STS: variants seen among roughly 807,000 people sequenced by gnomAD.
STS encodes steroid sulfatase.
Under a neutral mutation model 26.8 loss-of-function variants are expected in STS, and 7 were observed. The ratio of observed to expected loss-of-function variants is 0.26; its 90% CI spans 0.15 to 0.49. STS has a LOEUF of 0.49. Ranked by LOEUF, STS falls within the 20% of genes least tolerant of loss-of-function variation. The pLI, the probability that STS is intolerant of heterozygous loss-of-function variation, is 0.98. For synonymous variants in STS, 199 were observed against 189.4 expected, an observed-to-expected ratio of 1.05 and a Z score of -0.42; for missense variants, 434 against 465.6, an observed-to-expected ratio of 0.93 and a Z score of 0.63.
chrX:7,272,793 G>A (rs1346474401), intron 6 of STS, among the ~76,000 whole-genome samples: 3 of 111,437 alleles, frequency 2.7e-5, no homozygotes, highest in Non-Finnish European at 5.7e-5. Flanking sequence ...TGGGAGAAGA[G>A]AGCACATAAA....
In STS at chrX:7,352,812, A is replaced by G. The variant is rs1157687724; in HGVS notation, c.*2551A>G. On this transcript the variant is annotated 3_prime_UTR_variant, in exon 11 of 11. Transcript: ENST00000674429. Reference sequence around the variant, plus strand: ...ACGTATACATAGGCATCATTTCACAAGGTCAGTAATGCTGCAGGAAAAGCA... The same window carrying G: ...ACGTATACATAGGCATCATTTCACAGGGTCAGTAATGCTGCAGGAAAAGCA... 1 of 110,999 alleles carries G rather than the reference A, an allele frequency of 9.0e-6. No individual in the cohort carries two copies. The highest frequency in any genetic ancestry group is 2.8e-4 in the East Asian group (1 of 3,551). 9.1% of individuals were successfully genotyped at this position (110,999 alleles called of 1,213,427 possible).
chrX:7,314,778 G>T (rs1294581980), intron 8 of STS, among the ~76,000 whole-genome samples: 1 of 112,307 alleles, frequency 8.9e-6, no homozygotes, highest in African/African-American at 3.2e-5. Flanking sequence ...GTGGTCAAGC[G>T]TGCTCTGCAG....
chrX:7,286,366 T>A (rs1216709093), intron 7 of STS, among the ~76,000 whole-genome samples: 3 of 111,488 alleles, frequency 2.7e-5, no homozygotes, highest in Admixed American at 9.6e-5. Context: ...GAGCTCTGGA[T>A]CAGATGAAAT....
intron 10 of STS, among the ~76,000 whole-genome samples, chrX:7,340,070 A>G (rs1448264249): frequency 9.1e-6 from 1 of 109,629 alleles, no homozygotes; most frequent in African/African-American, 3.3e-5. Flanking sequence ...AAAAAAAAAA[A>G]AAGCGCCAAA....
At chrX:7,337,749 T>C (rs1928102242) in intron 10 of STS, among the ~76,000 whole-genome samples, 1 of 112,164 alleles carries the variant, frequency 8.9e-6, no homozygotes, top group Admixed American at 9.5e-5. Flanking sequence ...CCACGGCAAT[T>C]GGCAAACACA....
At chrX:7,278,240 C>A in intron 7 of STS, among the ~76,000 whole-genome samples, 1 of 112,202 alleles carries the variant, frequency 8.9e-6, no homozygotes, top group Non-Finnish European at 1.9e-5. Context: ...TATGAGTGTT[C>A]TAAAGAATAT....
intron 7 of STS, among the ~76,000 whole-genome samples, chrX:7,278,958 A>G (rs1924672641): frequency 9.0e-6 from 1 of 111,178 alleles, no homozygotes; most frequent in Non-Finnish European, 1.9e-5. Context: ...ATGAAGACCC[A>G]ACCTCCCAAT....
At chrX:7,210,048 A>T (rs767223337) in intron 2 of STS, among the ~76,000 whole-genome samples, 20 of 111,316 alleles carry the variant, frequency 1.8e-4, no homozygotes, top group Non-Finnish European at 3.6e-4. Context: ...GGTTGGTTCC[A>T]TGTCTTTGTT....
intron 1 of STS, among the ~76,000 whole-genome samples, chrX:7,185,726 T>G (rs1414624835): frequency 8.9e-6 from 1 of 112,571 alleles, no homozygotes; most frequent in African/African-American, 3.2e-5. Flanking sequence ...ATTTTATGCT[T>G]TTTCTGTTAG....
chrX:7,334,921 A>G (rs1327012174), intron 10 of STS, among the ~76,000 whole-genome samples: 1 of 112,241 alleles, frequency 8.9e-6, no homozygotes, highest in Non-Finnish European at 1.9e-5. Context: ...CAAATGGTTT[A>G]TAATCTTAGG....
Position 7,147,963 on chromosome X carries a change from G to C in STS, c.-254G>C. The C allele has an allele frequency of 1.4e-6, 1 of 693,323 alleles. No individual in the cohort carries two copies. The highest frequency in any genetic ancestry group is 2.5e-5 in the South Asian group (1 of 39,711). The allele number at this position is 693,323 out of a possible 1,213,427, so 57.1% of individuals were successfully genotyped here. ...CCCTGCATGAACACCGCCCCGCCGC[G>C]GCCCCCAGGCCGTGACGTACCCCGC... On this transcript the variant is annotated 5_prime_UTR_variant, in exon 1 of 11. Coordinates refer to ENST00000674429, the MANE Select transcript of STS (RefSeq NM_001320752.2).
intron 7 of STS, among the ~76,000 whole-genome samples, chrX:7,285,114 A>AG (rs1410211837): frequency 1.8e-5 from 2 of 111,179 alleles, no homozygotes; most frequent in African/African-American, 6.5e-5. Context: ...AGGAGGAAGC[A>AG]GGGGGACGTT....
chrX:7,313,031 A>G (rs1391138928), intron 8 of STS, among the ~76,000 whole-genome samples: 6 of 112,043 alleles, frequency 5.4e-5, no homozygotes, highest in African/African-American at 1.9e-4. Flanking sequence ...AGTTAAACTC[A>G]TATGTCTGGC....
rs746140947 is a variant in STS at position 7,220,612 on chromosome X, G to A, written c.-5+29604G>A. Among the ~76,000 whole-genome samples, 39 of 97,526 alleles carry A rather than the reference G, an allele frequency of 4.0e-4. 1 individual carries two copies. In the South Asian group the frequency reaches 0.02, roughly 49 times the overall value. 84.7% of individuals were successfully genotyped at this position (97,526 alleles called of 115,157 possible). A position where few individuals can be genotyped will look rare whatever the true frequency, so the allele number is the denominator to read the frequency against. On this transcript the variant is annotated intron_variant, in intron 2 of 10. Transcript: ENST00000674429. ...CTCCCAGGCTGCAGTGCAGTGGCGC[G>A]ATCTCGGCTCACTGCAAGCTCCACC... is the stretch of plus-strand genomic sequence containing the variant.
In STS at chrX:7,325,286, T is replaced by C. The variant is rs183488866; in HGVS notation, c.1082-53T>C. 1.6e-5 allele frequency: 19 copies of C among 1,167,878 alleles called. No individual in the cohort carries two copies. In the Admixed American group the frequency reaches 2.7e-4, roughly 17 times the overall value. On this transcript the variant is annotated intron_variant, in intron 8 of 10. Transcript: ENST00000674429. ...ACGAAAGAGTCCATTGAAGTGAGCA[T>C]TGAAAGGATTGAAATCTCCCTGTTG...
Position 7,253,294 on chromosome X carries a change from T to A in STS, c.95T>A (p.Leu32His). 8.3e-7 allele frequency: 1 copy of A among 1,211,653 alleles called. No homozygotes were observed. The highest frequency in any genetic ancestry group is 1.1e-6 in the Non-Finnish European group (1 of 895,429). ...ATCATCCTGGTGATGGCTGACGACCTCGGCATTGGAGATCCTGGGTGCTAT... is the reference window on the plus strand; with the variant it reads ...ATCATCCTGGTGATGGCTGACGACCACGGCATTGGAGATCCTGGGTGCTAT... ...PNIILVMADDLGIGDPGCYGN... is the reference protein window; with the variant it reads ...PNIILVMADDHGIGDPGCYGN... Residue 32 changes from leucine to histidine, a missense_variant, in exon 3 of 11, where the codon CTC becomes CAC. Leu to His is a moderately conservative substitution (Grantham distance 99). Around this residue, in one of 2 missense-constraint regions of STS, gnomAD observed 229 missense variants for 288.3 expected, o/e 0.79. Transcript: ENST00000674429.
chrX:7,166,731 A>G (rs1351645994), intron 1 of STS, among the ~76,000 whole-genome samples: 2 of 111,553 alleles, frequency 1.8e-5, no homozygotes, highest in Admixed American at 1.9e-4. Flanking sequence ...CCTTGCTCCA[A>G]CCTAGAAAGA....
chrX:7,336,040 C>T (rs959551451), intron 10 of STS, among the ~76,000 whole-genome samples: 1 of 111,533 alleles, frequency 9.0e-6, no homozygotes, highest in African/African-American at 3.3e-5. Context: ...AGTCAGGTAG[C>T]GTGAAACTTA....
At chrX:7,164,897 A>G (rs1382436561) in intron 1 of STS, among the ~76,000 whole-genome samples, 1 of 107,899 alleles carries the variant, frequency 9.3e-6, no homozygotes, top group African/African-American at 3.4e-5. Context: ...GTGGTGTCAC[A>G]TGCCTGTAGT....
Sources: allele counts gnomAD v4.1 joint callset (sites outside exome capture counted in the v4.1 genomes callset), GRCh38; gene constraint gnomAD v4.1.1; regional missense constraint gnomAD v4.1.1; transcripts MANE v1.5; gene names NCBI Gene and HGNC (gene_info 2026-07-23, HGNC 2026-07-21).